The following FNTA variants were observed in gnomAD, a reference collection of about 807,000 sequenced individuals.
The protein encoded by FNTA is protein farnesyltransferase/geranylgeranyltransferase type-1 subunit alpha.
In FNTA, 27 loss-of-function variants were observed where a neutral mutation model predicts 55.2. The observed-to-expected ratio is 0.49, with a 90% CI of 0.36 to 0.67. The LOEUF is 0.67. Among genes scored for constraint, FNTA ranks in the 30% least tolerant of loss-of-function variants. FNTA has a pLI of 0.00. For missense variants in FNTA, 422 were observed against 464.7 expected (o/e 0.91, Z 0.85); for synonymous variants, 176 against 170.7 (o/e 1.03, Z -0.24).
intron 3 of FNTA, among the ~76,000 whole-genome samples, chr8:43,066,785 G>T (rs1208034822): frequency 6.6e-6 from 1 of 152,188 alleles, no homozygotes; most frequent in African/African-American, 2.4e-5. Flanking sequence ...GGGCTTCGCT[G>T]TGAAGTTACT....
Position 43,084,705 on chromosome 8 carries a change from T to G in FNTA, c.846-5T>G. On this transcript the variant is annotated splice_region_variant and splice_polypyrimidine_tract_variant and intron_variant, in intron 7 of 8. Transcript: ENST00000302279. ...CAAGTCTTTGTTTTTTGTTGTTGTT[T>G]ACAGGATTTTGCAGGATCGTGGTCT... is the stretch of plus-strand genomic sequence containing the variant. The G allele has an allele frequency of 6.3e-7, 1 of 1,585,008 alleles. No homozygotes were observed. Among genetic ancestry groups the G allele is most frequent in the Non-Finnish European group, 8.6e-7 (1 of 1,168,460 alleles).
At chr8:43,085,096 C>T in intron 8 of FNTA, 64 bp from the exon 9 acceptor site, 1 of 1,363,832 alleles carries the variant, frequency 7.3e-7, no homozygotes, top group Non-Finnish European at 1.0e-6. Context: ...ATTGTATTGG[C>T]TCAAAGGCAT....
intron 4 of FNTA, among the ~76,000 whole-genome samples, chr8:43,071,694 CA>C (rs71231890): frequency 0.14 from 10,474 of 73,186 alleles, 701 homozygotes; most frequent in African/African-American, 0.34. Flanking sequence ...GACTTCGTCT[CA>C]AAAAAAAAAA....
chr8:43,074,964 T>C (rs565752975), intron 5 of FNTA, among the ~76,000 whole-genome samples: 101 of 152,350 alleles, frequency 6.6e-4, no homozygotes, highest in Non-Finnish European at 1.3e-3. Flanking sequence ...TTAACAATAA[T>C]GTACAGATGT....
At chr8:43,063,747 A>C (rs10958736) in intron 2 of FNTA, among the ~76,000 whole-genome samples, 1 of 151,986 alleles carries the variant, frequency 6.6e-6, no homozygotes, top group Admixed American at 6.6e-5. Context: ...CATATTTTTC[A>C]GTTAAAAATC....
At chr8:43,057,319 C>T (rs1341854664) in intron 1 of FNTA, 2 of 152,156 alleles carry the variant, frequency 1.3e-5, no homozygotes, top group Admixed American at 6.6e-5. Flanking sequence ...TAAATCCATT[C>T]GATGGCTTGT....
chr8:43,071,154 T>A (rs1037351648), intron 4 of FNTA, among the ~76,000 whole-genome samples: 11 of 152,218 alleles, frequency 7.2e-5, no homozygotes, highest in African/African-American at 2.7e-4. Context: ...TACTCTAATA[T>A]AGATTTTTTA....
chr8:43,083,437 C>T (rs1811063392), intron 7 of FNTA, among the ~76,000 whole-genome samples: 1 of 152,052 alleles, frequency 6.6e-6, no homozygotes, highest in Admixed American at 6.5e-5. Context: ...TTTAAGAATC[C>T]TGTAGTCTTT....
chr8:43,056,715 C>T (rs1810414332), intron 1 of FNTA, 169 bp downstream of exon 1: 3 of 251,134 alleles, frequency 1.2e-5, no homozygotes, highest in African/African-American at 2.3e-5. Context: ...GTCGCCGCTT[C>T]CCAGGGCGGC....
At chr8:43,071,428 T>G (rs757005913) in intron 4 of FNTA, among the ~76,000 whole-genome samples, 1 of 151,914 alleles carries the variant, frequency 6.6e-6, no homozygotes, top group Non-Finnish European at 1.5e-5. Flanking sequence ...CCCAGCACTT[T>G]AGGAGGCTGA....
intron 4 of FNTA, chr8:43,070,163 CCCAGCTACT>C (rs1810755061): frequency 6.6e-6 from 1 of 151,158 alleles, no homozygotes; most frequent in Admixed American, 6.6e-5. Flanking sequence ...TGCCTGTAAT[CCCAGCTACT>C]CAAGGAGCGT....
chr8:43,072,238 T>C lies in FNTA; in HGVS notation c.564T>C (p.Phe188=), dbSNP rs1184208276. 1 of 1,592,964 alleles carries C rather than the reference T, an allele frequency of 6.3e-7. No individual in the cohort carries two copies. Among genetic ancestry groups the C allele is most frequent in the Non-Finnish European group, 8.6e-7 (1 of 1,169,104 alleles). ...GAGATCCATCTCAGGAGCTTGAATT[T>C]ATTGCTGATATTCTTAATCAGGATG... ...WLRDPSQELE[F]IADILNQDAK... is the part of the protein sequence containing the mutation. The change falls in exon 5 of 9, where the codon TTT becomes TTC. Residue 188 remains phenylalanine (F), a synonymous_variant. Coordinates refer to ENST00000302279, the MANE Select transcript of FNTA (RefSeq NM_002027.3).
At chr8:43,073,521 T>G (rs186781001) in intron 5 of FNTA, 23 of 152,336 alleles carry the variant, frequency 1.5e-4, no homozygotes, top group Non-Finnish European at 1.3e-4. Flanking sequence ...CCTTTCACAT[T>G]CATTGCACTC....
intron 4 of FNTA, 111 bp from the exon 5 acceptor site, chr8:43,072,070 G>T (rs906282549): frequency 4.0e-6 from 3 of 745,866 alleles, no homozygotes; most frequent in Non-Finnish European, 4.0e-6. Flanking sequence ...AATTAGAGAT[G>T]AATTTTTGTT....
intron 7 of FNTA, among the ~76,000 whole-genome samples, chr8:43,084,333 C>T (rs542084878): frequency 1.3e-5 from 2 of 151,692 alleles, no homozygotes; most frequent in South Asian, 4.2e-4. Flanking sequence ...GATTCTCCCA[C>T]CTCAGCCTCC....
chr8:43,056,325 C>G lies in FNTA; in HGVS notation c.-22C>G. On this transcript the variant is annotated 5_prime_UTR_variant, in exon 1 of 9. Coordinates refer to ENST00000302279, the MANE Select transcript of FNTA (RefSeq NM_002027.3). ...GGAGGGGCGGGGCCTCCGCCACCAC[C>G]TCAGCTGCGGACCGAGGCGAGATGG... The G allele has an allele frequency of 7.2e-7, 1 of 1,393,806 alleles. No individual in the cohort carries two copies. 86.3% of individuals were successfully genotyped at this position (1,393,806 alleles called of 1,614,324 possible).
chr8:43,063,851 A>G (rs1234218975), intron 2 of FNTA, among the ~76,000 whole-genome samples: 1 of 152,256 alleles, frequency 6.6e-6, no homozygotes, highest in Non-Finnish European at 1.5e-5. Context: ...GGAGATATGG[A>G]ATCTGGCATG....
chr8:43,056,875 C>T (rs1005582688), intron 1 of FNTA: 1 of 153,738 alleles, frequency 6.5e-6, no homozygotes, highest in Non-Finnish European at 1.4e-5. Context: ...CGCTCTCTTC[C>T]ACGGCTTCCC....
chr8:43,070,935 A>G (rs1254324547), intron 4 of FNTA, among the ~76,000 whole-genome samples: 1 of 152,226 alleles, frequency 6.6e-6, no homozygotes, highest in Non-Finnish European at 1.5e-5. Flanking sequence ...AGCAACCTGG[A>G]AAAATAAAAT....
Sources: allele counts gnomAD v4.1 joint callset (sites outside exome capture counted in the v4.1 genomes callset), GRCh38; gene constraint gnomAD v4.1.1; transcripts MANE v1.5; gene names NCBI Gene and HGNC (gene_info 2026-07-23, HGNC 2026-07-21).